DNAH12: variants seen among roughly 807,000 people sequenced by gnomAD.
DNAH12 encodes axonemal beta dynein heavy chain 12.
DNAH12 carries 285 observed loss-of-function variants against 371.5 expected under a neutral mutation model. The ratio of observed to expected loss-of-function variants is 0.77; its 90% CI spans 0.70 to 0.85. The LOEUF is 0.85. DNAH12 is among the 40% of genes least tolerant of loss of function. The pLI is 0.00. For missense variants in DNAH12, 3,611 were observed against 3,689.4 expected (o/e 0.98, Z 0.55); for synonymous variants, 1,200 against 1,213.0 (o/e 0.99, Z 0.22).
chr3:57,408,993 A>G (rs1222338314), intron 39 of DNAH12, among the ~76,000 whole-genome samples: 1 of 152,194 alleles, frequency 6.6e-6, no homozygotes. Flanking sequence ...TCACAGTTTG[A>G]ACACTAAGTT....
At chr3:57,357,575 A>G (rs1002424507) in intron 58 of DNAH12, among the ~76,000 whole-genome samples, 2 of 152,178 alleles carry the variant, frequency 1.3e-5, no homozygotes, top group African/African-American at 4.8e-5. Flanking sequence ...AAGGAGAGAA[A>G]GGAGGAACAA....
intron 43 of DNAH12, among the ~76,000 whole-genome samples, chr3:57,398,712 A>G: frequency 6.6e-6 from 1 of 152,334 alleles, no homozygotes; most frequent in Admixed American, 6.5e-5. Context: ...GCTGCCTTAC[A>G]AAAATGAAGG....
At chr3:57,341,590 G>T (rs181630617) in intron 60 of DNAH12, among the ~76,000 whole-genome samples, 1 of 151,990 alleles carries the variant, frequency 6.6e-6, no homozygotes, top group Non-Finnish European at 1.5e-5. Context: ...AAAAAACAAT[G>T]ATTTTTTGAA....
Position 57,402,471 on chromosome 3 carries a change from C to T in DNAH12, c.6948+838G>A, listed in dbSNP as rs1553679268. ...GATTACTACTAAGACAACATTAATG[C>T]CATCAACATCATCATCAGGTTCATG... is the stretch of plus-strand genomic sequence containing the variant. On this transcript the variant is annotated intron_variant, in intron 43 of 73. Transcript: ENST00000495027. 6 of 1,270,190 alleles carry T rather than the reference C, an allele frequency of 4.7e-6. 1 individual carries two copies. In the South Asian group the frequency reaches 7.6e-5, roughly 16 times the overall value. The allele number at this position is 1,270,190 out of a possible 1,614,324, so 78.7% of individuals were successfully genotyped here.
intron 11 of DNAH12, among the ~76,000 whole-genome samples, chr3:57,494,367 A>C (rs921096021): frequency 7.9e-5 from 12 of 152,194 alleles, no homozygotes; most frequent in Non-Finnish European, 1.6e-4. Context: ...AACCTGGGCA[A>C]CATAGTGAGA....
At chr3:57,338,397 G>A (rs536990626) in intron 60 of DNAH12, among the ~76,000 whole-genome samples, 178 of 145,806 alleles carry the variant, frequency 1.2e-3, no homozygotes, top group East Asian at 1.4e-3. Context: ...CTGCCCGGCC[G>A]CCACACTGTC....
intron 8 of DNAH12, among the ~76,000 whole-genome samples, chr3:57,504,419 A>G (rs1559730345): frequency 6.6e-6 from 1 of 151,052 alleles, no homozygotes; most frequent in African/African-American, 2.4e-5. Context: ...ATATATACAT[A>G]TTTTTTTTTA....
intron 42 of DNAH12, 35 bp downstream of exon 42, chr3:57,404,934 T>G: frequency 7.0e-7 from 1 of 1,433,858 alleles, no homozygotes. Flanking sequence ...ATTTTACAGA[T>G]AGCAATTTCA....
chr3:57,546,209 C>T (rs1355094901), upstream of DNAH12, among the ~76,000 whole-genome samples: 2 of 152,178 alleles, frequency 1.3e-5, no homozygotes, highest in African/African-American at 4.8e-5. Context: ...CCCTGGACCC[C>T]AGCCTCATAG....
chr3:57,527,923 C>T (rs537101471), intron 2 of DNAH12, among the ~76,000 whole-genome samples: 11 of 152,212 alleles, frequency 7.2e-5, no homozygotes, highest in African/African-American at 2.2e-4. Context: ...TGCCTGTACT[C>T]GTGGGGTATT....
chr3:57,356,848 T>A lies in DNAH12; in HGVS notation c.9533+328A>T, dbSNP rs1448515516. On this transcript the variant is annotated intron_variant, in intron 59 of 73. Coordinates refer to ENST00000495027, the MANE Select transcript of DNAH12 (RefSeq NM_001366028.2). The stretch of plus-strand genomic sequence containing the variant: ...TCCACCTCCTGAGTTCAAGCGATTC[T>A]CCTCCTGCCTCAGCCTCCTGAGTAG... Among the ~76,000 whole-genome samples, 27 of 152,116 alleles carry A rather than the reference T, an allele frequency of 1.8e-4. 2 individuals are homozygous for A. The highest frequency in any genetic ancestry group is 1.6e-3 in the Admixed American group (24 of 15,270).
chr3:57,361,945 T>C (rs996216404), intron 58 of DNAH12, among the ~76,000 whole-genome samples: 1 of 152,174 alleles, frequency 6.6e-6, no homozygotes, highest in African/African-American at 2.4e-5. Context: ...ACAAGTACCA[T>C]GTTGGTTTGC....
intron 13 of DNAH12, among the ~76,000 whole-genome samples, chr3:57,474,847 G>A (rs2066474206): frequency 6.6e-6 from 1 of 151,864 alleles, no homozygotes; most frequent in Non-Finnish European, 1.5e-5. Context: ...GTGGTGGCGC[G>A]TGCCTGTAGT....
At chr3:57,469,876 A>C (rs1475226222) in intron 16 of DNAH12, among the ~76,000 whole-genome samples, 1 of 152,146 alleles carries the variant, frequency 6.6e-6, no homozygotes, top group Non-Finnish European at 1.5e-5. Context: ...ACTACCTATT[A>C]GGTGCTGTGC....
At chr3:57,536,869 C>T (rs767500351) in intron 2 of DNAH12, among the ~76,000 whole-genome samples, 1 of 152,220 alleles carries the variant, frequency 6.6e-6, no homozygotes, top group Non-Finnish European at 1.5e-5. Context: ...CTGGGAAGAA[C>T]ATACAAGTGA....
chr3:57,495,668 T>C (rs1257981127), intron 11 of DNAH12, among the ~76,000 whole-genome samples: 2 of 146,166 alleles, frequency 1.4e-5, no homozygotes, highest in Non-Finnish European at 3.0e-5. Context: ...ATATAAATAT[T>C]TCTTTCAAAG....
intron 30 of DNAH12, 83 bp downstream of exon 30, chr3:57,436,868 C>T (rs1312241755): frequency 2.0e-6 from 2 of 1,019,254 alleles, no homozygotes; most frequent in East Asian, 3.0e-5. Context: ...AATCAGTTTG[C>T]CAAGTCTTTG....
chr3:57,392,801 A>G (rs1010555743), intron 44 of DNAH12, among the ~76,000 whole-genome samples: 606 of 152,358 alleles, frequency 4.0e-3, no homozygotes, highest in Non-Finnish European at 6.3e-3. Flanking sequence ...GATGGGAAGA[A>G]AAGATAGATA....
intron 9 of DNAH12, among the ~76,000 whole-genome samples, chr3:57,503,622 T>C (rs4681991): frequency 0.67 from 101,744 of 151,864 alleles, 34,295 homozygotes; most frequent in South Asian, 0.75. Context: ...CTCCTGACCT[T>C]GTGTTCCGCC....
Sources: allele counts gnomAD v4.1 joint callset (sites outside exome capture counted in the v4.1 genomes callset), GRCh38; gene constraint gnomAD v4.1.1; transcripts MANE v1.5; gene names NCBI Gene and HGNC (gene_info 2026-07-23, HGNC 2026-07-21).